The following MYCBP2 variants were observed in gnomAD, a reference collection of about 807,000 sequenced individuals.
The protein encoded by MYCBP2 is E3 ubiquitin-protein ligase MYCBP2.
MYCBP2 carries 120 observed loss-of-function variants against 525.3 expected under a neutral mutation model. The observed-to-expected ratio is 0.23, with a 90% CI of 0.20 to 0.27. MYCBP2 has a LOEUF of 0.27. Ranked by LOEUF, MYCBP2 falls within the 10% of genes least tolerant of loss-of-function variation. The pLI is 1.00. For missense variants in MYCBP2, 4,149 were observed against 5,657.1 expected (o/e 0.73, Z 8.55); for synonymous variants, 1,894 against 1,955.8 (o/e 0.97, Z 0.83).
chr13:77,150,703 T>C (rs751730645), intron 47 of MYCBP2, 31 bp downstream of exon 47: 31 of 1,593,000 alleles, frequency 1.9e-5, no homozygotes, highest in Non-Finnish European at 2.5e-5. Flanking sequence ...TGCTGAAAAC[T>C]AAAATTTTTC....
intron 18 of MYCBP2, among the ~76,000 whole-genome samples, chr13:77,226,750 G>A (rs551846183): frequency 2.0e-4 from 30 of 151,956 alleles, no homozygotes; most frequent in Admixed American, 1.3e-3. Context: ...TTTCCTTTCC[G>A]TAACTAAATG....
At chr13:77,293,510 A>G (rs1594726917) in intron 2 of MYCBP2, among the ~76,000 whole-genome samples, 1 of 152,232 alleles carries the variant, frequency 6.6e-6, no homozygotes, top group Non-Finnish European at 1.5e-5. Context: ...AATAGCCTCC[A>G]AAAACTTCTA....
intron 65 of MYCBP2, chr13:77,080,861 G>C (rs1566431537): frequency 6.6e-6 from 1 of 151,954 alleles, no homozygotes; most frequent in Non-Finnish European, 1.5e-5. Flanking sequence ...AGAATCGTTT[G>C]AACCTGGAGG....
chr13:77,139,980 T>C, intron 51 of MYCBP2, 67 bp downstream of exon 51: 2 of 1,029,236 alleles, frequency 1.9e-6, no homozygotes, highest in Admixed American at 4.8e-5. Context: ...AGTAACCTTA[T>C]TATTATGCAA....
At position 77,217,867 on chromosome 13, in the gene MYCBP2, T is replaced by C; in HGVS notation, c.3030A>G (p.Gly1010=). 6.2e-7 allele frequency: 1 copy of C among 1,609,288 alleles called. No individual in the cohort carries two copies. Among genetic ancestry groups the C allele is most frequent in the Non-Finnish European group, 8.5e-7 (1 of 1,177,890 alleles). Residue 1010 remains glycine, a synonymous_variant, in exon 21 of 83, where the codon GGA becomes GGG. Coordinates refer to ENST00000544440, the MANE Select transcript of MYCBP2 (RefSeq NM_015057.5). ...AAAAACTTCCAAATGTGAAGACCTG[T>C]CCATCCATTAAAAGTACTGCCGTAT... is the stretch of plus-strand genomic sequence containing the variant. The part of the protein sequence containing the change: ...SNHTAVLLMD[G]QVFTFGSFSK...
Position 77,083,189 on chromosome 13 carries a change from T to G in MYCBP2, c.10879A>C (p.Lys3627Gln). 1 of 1,611,146 alleles carries G rather than the reference T, an allele frequency of 6.2e-7. No homozygotes were observed. The highest frequency in any genetic ancestry group is 8.5e-7 in the Non-Finnish European group (1 of 1,178,706). Reference sequence around the variant, plus strand: ...GGATGTTCACATACTCTTGTATCTTTCTCCTAAGGCAGAAATTGAAACAAG... The same window carrying G: ...GGATGTTCACATACTCTTGTATCTTGCTCCTAAGGCAGAAATTGAAACAAG... ...KTSKENSEQE[K>Q]DTRVCEHPLS... The change falls in exon 63 of 83, where the codon AAA (lysine) becomes CAA (glutamine). Residue 3627 changes from lysine (K) to glutamine (Q), a missense_variant. Physicochemically the swap from Lys to Gln is moderately conservative, Grantham distance 53 (BLOSUM62 1). Around this residue, in one of 21 missense-constraint regions of MYCBP2, gnomAD observed 509 missense variants for 789.4 expected, o/e 0.64. Transcript: ENST00000544440.
chr13:77,101,842 G>A (rs977479816), intron 55 of MYCBP2, among the ~76,000 whole-genome samples: 2 of 151,800 alleles, frequency 1.3e-5, no homozygotes, highest in African/African-American at 4.8e-5. Flanking sequence ...CAAATGTTTT[G>A]CAGCATGTTA....
chr13:77,108,114 A>G (rs2048133054), intron 55 of MYCBP2, among the ~76,000 whole-genome samples: 1 of 152,204 alleles, frequency 6.6e-6, no homozygotes, highest in Admixed American at 6.5e-5. Context: ...TAAAATAGAA[A>G]CAAGCTTTTT....
chr13:77,114,094 C>G (rs924651447), intron 55 of MYCBP2, among the ~76,000 whole-genome samples: 1 of 152,094 alleles, frequency 6.6e-6, no homozygotes, highest in Non-Finnish European at 1.5e-5. Flanking sequence ...ACAAACAAAC[C>G]TGGCTTTTAT....
intron 1 of MYCBP2, among the ~76,000 whole-genome samples, chr13:77,306,820 G>A (rs537451939): frequency 6.6e-6 from 1 of 152,324 alleles, no homozygotes; most frequent in East Asian, 1.9e-4. Context: ...CACTCTGAGT[G>A]AGAACAGCAG....
At chr13:77,247,441 A>G (rs1032480353) in intron 15 of MYCBP2, among the ~76,000 whole-genome samples, 1 of 152,216 alleles carries the variant, frequency 6.6e-6, no homozygotes, top group Non-Finnish European at 1.5e-5. Flanking sequence ...TGACATAAGT[A>G]GAAACACATC....
chr13:77,066,074 C>A lies in MYCBP2; in HGVS notation c.12470G>T (p.Gly4157Val). ...GCCCTTCATCCACCAATGACTTTCA[C>A]CTCGTCGGAGATAACTACAAGAAAA... ...MIFNSSYLRR[G>V]ESHWWMKGST... Residue 4157 changes from glycine to valine, a missense_variant, in exon 72 of 83, where the codon GGT becomes GTT. Physicochemically the swap from Gly to Val is moderately radical, Grantham distance 109 (BLOSUM62 -3). Coordinates refer to ENST00000544440, the MANE Select transcript of MYCBP2 (RefSeq NM_015057.5). 6.2e-7 allele frequency: 1 copy of A among 1,612,082 alleles called. No homozygotes were observed.
At position 77,098,453 on chromosome 13, in the gene MYCBP2, G is replaced by T; in HGVS notation, c.8701C>A (p.Pro2901Thr). The change falls in exon 56 of 83, where the codon CCA becomes ACA. Residue 2901 changes from proline to threonine, a missense_variant. Pro to Thr is a conservative substitution (Grantham distance 38, BLOSUM62 -1). Transcript: ENST00000544440. ...PLRGRSTSPK[P>T]KSVPKDSTDS... ...GTAGAATCCTTTGGTACTGATTTTGGTTTTGGTGACGTTGACCGTCCTCTC... is the reference window on the plus strand; with the variant it reads ...GTAGAATCCTTTGGTACTGATTTTGTTTTTGGTGACGTTGACCGTCCTCTC... 3 of 1,613,664 alleles carry T rather than the reference G, an allele frequency of 1.9e-6. 1 individual carries two copies. The South Asian group carries it at 3.3e-5, about 18-fold the overall frequency.
chr13:77,169,434 G>A (rs1055925589), intron 39 of MYCBP2, among the ~76,000 whole-genome samples, 180 bp downstream of exon 39: 4 of 146,334 alleles, frequency 2.7e-5, no homozygotes, highest in African/African-American at 1.0e-4. Context: ...AATAAGCACA[G>A]CAATCCAGTA....
At chr13:77,087,098 T>A (rs948249480) in intron 62 of MYCBP2, among the ~76,000 whole-genome samples, 1 of 152,196 alleles carries the variant, frequency 6.6e-6, no homozygotes, top group Non-Finnish European at 1.5e-5. Flanking sequence ...AATTTGACTA[T>A]GATAATGTTG....
At chr13:77,073,577 C>T (rs1272984456) in intron 68 of MYCBP2, among the ~76,000 whole-genome samples, 1 of 151,866 alleles carries the variant, frequency 6.6e-6, no homozygotes, top group Non-Finnish European at 1.5e-5. Context: ...AAATTTAAGG[C>T]ATATAGTTTA....
chr13:77,184,628 C>T (rs1439898356), intron 32 of MYCBP2, among the ~76,000 whole-genome samples: 1 of 152,176 alleles, frequency 6.6e-6, no homozygotes, highest in Non-Finnish European at 1.5e-5. Context: ...CTATTTCTCC[C>T]TGTAGTTCTG....
chr13:77,191,571 TAGTCTTCCTA>T, intron 28 of MYCBP2, 98 bp downstream of exon 28: 1 of 1,292,576 alleles, frequency 7.7e-7, no homozygotes, highest in Admixed American at 2.4e-5. Context: ...TATTATGCTC[TAGTCTTCCTA>T]AGCTTTTGAA....
At chr13:77,246,059 G>T (rs146244484) in intron 15 of MYCBP2, among the ~76,000 whole-genome samples, 90 of 152,176 alleles carry the variant, frequency 5.9e-4, no homozygotes, top group African/African-American at 2.1e-3. Context: ...TGGGGTCAGG[G>T]AAAGTAACTT....
Sources: allele counts gnomAD v4.1 joint callset (sites outside exome capture counted in the v4.1 genomes callset), GRCh38; gene constraint gnomAD v4.1.1; regional missense constraint gnomAD v4.1.1; transcripts MANE v1.5; gene names NCBI Gene and HGNC (gene_info 2026-07-23, HGNC 2026-07-21).